The following TNKS2 variants were observed in gnomAD, a reference collection of about 807,000 sequenced individuals.
TNKS2 encodes the protein poly [ADP-ribose] polymerase tankyrase-2.
Under a neutral mutation model 137.6 loss-of-function variants are expected in TNKS2, and 72 were observed. That is an observed-to-expected ratio of 0.52 (90% CI 0.43 to 0.64). The LOEUF (loss-of-function observed/expected upper bound fraction) is 0.64. Ranked by LOEUF, TNKS2 falls within the 30% of genes least tolerant of loss-of-function variation. The probability of loss-of-function intolerance (pLI) is 0.00; values close to 1 mark genes in which losing one functional copy is unlikely to be tolerated. For missense variants in TNKS2, 1,049 were observed against 1,410.2 expected, an observed-to-expected ratio of 0.74 and a Z score of 4.10; for synonymous variants, 516 against 512.1, an observed-to-expected ratio of 1.01 and a Z score of -0.10.
chr10:91,836,132 A>G (rs1842012276), intron 12 of TNKS2, among the ~76,000 whole-genome samples: 1 of 144,602 alleles, frequency 6.9e-6, no homozygotes, highest in Non-Finnish European at 1.5e-5. Context: ...AGCCTCAAAT[A>G]TATTCTCTTA....
chr10:91,848,552 A>G lies in TNKS2; in HGVS notation c.2528A>G (p.Asn843Ser), dbSNP rs1434492700. 5 of 1,614,046 alleles carry G rather than the reference A, an allele frequency of 3.1e-6. No individual in the cohort carries two copies. Among genetic ancestry groups the G allele is most frequent in the Admixed American group, 1.7e-5 (1 of 59,998 alleles). Residue 843 changes from asparagine (N) to serine (S), a missense_variant, in exon 19 of 27, where the codon AAC becomes AGC. This residue lies in a region of TNKS2 where 208 missense variants were observed against 231.2 expected (regional missense o/e 0.90). Coordinates refer to ENST00000371627, the MANE Select transcript of TNKS2 (RefSeq NM_025235.4). ...SSLSAASSLD[N>S]LSGSFSELSS... ...CTTTCTGCAGCCAGCAGTCTTGACA[A>G]CTTATCTGGGAGTTTTTCAGAACTG...
At chr10:91,822,141 A>G (rs1380695237) in intron 6 of TNKS2, among the ~76,000 whole-genome samples, 155 bp from the exon 7 acceptor site, 2 of 152,228 alleles carry the variant, frequency 1.3e-5, no homozygotes, top group Admixed American at 6.5e-5. Flanking sequence ...TTAGGGTTCA[A>G]ATGGATGTTA....
rs1050331760 is a variant in TNKS2 at position 91,863,057 on chromosome 10, C to T, written c.*58C>T. On this transcript the variant is annotated 3_prime_UTR_variant, in exon 27 of 27. Transcript: ENST00000371627. ...CTAAAATCATCAAAGCAGCAGTGGC[C>T]TCTACGTTTTACTCCTTTGCTGAAA... The T allele has an allele frequency of 2.3e-6, 3 of 1,298,306 alleles. No homozygotes were observed. The African/African-American group carries it at 4.4e-5, about 19-fold the overall frequency. 80.4% of individuals were successfully genotyped at this position (1,298,306 alleles called of 1,614,324 possible).
chr10:91,830,216 T>C (rs999621507), intron 9 of TNKS2, among the ~76,000 whole-genome samples: 6 of 152,152 alleles, frequency 3.9e-5, no homozygotes, highest in African/African-American at 1.4e-4. Flanking sequence ...TGTTCTGTTA[T>C]TTCCCTTTTT....
At chr10:91,849,438 C>T in intron 19 of TNKS2, 74 bp from the exon 20 acceptor site, 1 of 1,157,640 alleles carries the variant, frequency 8.6e-7, no homozygotes, top group Non-Finnish European at 1.3e-6. Context: ...CATTACAAGA[C>T]TTTACTGTTA....
rs1453852011 is a variant in TNKS2, at chr10:91,812,910, T to G, written c.200-73T>G. 7.8e-6 allele frequency: 12 copies of G among 1,536,104 alleles called. No homozygotes were observed. The East Asian group carries it at 2.5e-4, about 32-fold the overall frequency. On this transcript the variant is annotated intron_variant, in intron 1 of 26. Coordinates refer to ENST00000371627, the MANE Select transcript of TNKS2 (RefSeq NM_025235.4). ...TAATTTTCAACCTGAAACATTTTAG[T>G]ATGGATGGTACTTATCTAATTTGAT...
At chr10:91,842,415 T>A in intron 16 of TNKS2, 24 bp downstream of exon 16, 1 of 1,598,246 alleles carries the variant, frequency 6.3e-7, no homozygotes, top group Non-Finnish European at 8.6e-7. Context: ...GTTTCACAGA[T>A]TTAGGCTGGT....
At chr10:91,855,489 C>T in intron 22 of TNKS2, 125 bp from the exon 23 acceptor site, 1 of 837,222 alleles carries the variant, frequency 1.2e-6, no homozygotes, top group South Asian at 2.0e-5. Flanking sequence ...CTTTGAATAA[C>T]AAAAATATTA....
Position 91,862,976 on chromosome 10 carries a change from C to A in TNKS2, c.3478C>A (p.Pro1160Thr), listed in dbSNP as rs1196822072. ...EYLITYQIMR[P>T]EGMVDG ...TTTAATTACTTACCAGATTATGAGG[C>A]CTGAAGGTATGGTCGATGGATAAAT... Residue 1160 changes from proline (P) to threonine (T), a missense_variant, in exon 27 of 27, where the codon CCT becomes ACT. Pro to Thr is a conservative substitution (Grantham distance 38). This residue lies in a region of TNKS2 where 133 missense variants were observed against 248.4 expected (regional missense o/e 0.54). Coordinates refer to ENST00000371627, the MANE Select transcript of TNKS2 (RefSeq NM_025235.4). 6.2e-7 allele frequency: 1 copy of A among 1,605,786 alleles called. No homozygotes were observed. The highest frequency in any genetic ancestry group is 2.2e-5 in the East Asian group (1 of 44,786).
intron 1 of TNKS2, among the ~76,000 whole-genome samples, chr10:91,804,459 C>T (rs1451812297): frequency 6.6e-6 from 1 of 152,164 alleles, no homozygotes; most frequent in Non-Finnish European, 1.5e-5. Context: ...AAGTTGAGTG[C>T]TGTTCCATAA....
In TNKS2 at chr10:91,840,689, G is replaced by C. The variant is rs1231980613; in HGVS notation, c.1656G>C (p.Val552=). The change falls in exon 14 of 27, where the codon GTG becomes GTC. Residue 552 remains valine (V), a synonymous_variant. Coordinates refer to ENST00000371627, the MANE Select transcript of TNKS2 (RefSeq NM_025235.4). ...ATCTGCTACAGCATGGAGCTGATGT[G>C]CATGCTAAAGATAAAGGGTAAATGC... ...VEYLLQHGAD[V]HAKDKGGLVP... 2 of 1,613,016 alleles carry C rather than the reference G, an allele frequency of 1.2e-6. No homozygotes were observed. Among genetic ancestry groups the C allele is most frequent in the African/African-American group, 1.3e-5 (1 of 74,892 alleles).
At chr10:91,803,724 G>T (rs891817620) in intron 1 of TNKS2, among the ~76,000 whole-genome samples, 1 of 152,154 alleles carries the variant, frequency 6.6e-6, no homozygotes, top group Non-Finnish European at 1.5e-5. Context: ...AAAGCTGAAG[G>T]CTGTTTGATT....
chr10:91,846,327 C>T (rs554648967), intron 18 of TNKS2, among the ~76,000 whole-genome samples: 96 of 152,330 alleles, frequency 6.3e-4, no homozygotes, highest in African/African-American at 2.2e-3. Context: ...CATTGCCCCC[C>T]AAGGTGCAGC....
intron 7 of TNKS2, among the ~76,000 whole-genome samples, chr10:91,825,696 A>G (rs997366992): frequency 5.3e-5 from 8 of 152,248 alleles, no homozygotes; most frequent in African/African-American, 1.7e-4. Context: ...ATGCTGTAGA[A>G]GGAAATTTGT....
chr10:91,846,075 T>C, intron 18 of TNKS2, 135 bp downstream of exon 18: 2 of 516,342 alleles, frequency 3.9e-6, no homozygotes, highest in Non-Finnish European at 6.4e-6. Flanking sequence ...ATGTAAGAGT[T>C]CTTTAGTATT....
At chr10:91,814,419 T>C (rs1844606082) in intron 2 of TNKS2, among the ~76,000 whole-genome samples, 1 of 152,210 alleles carries the variant, frequency 6.6e-6, no homozygotes, top group Admixed American at 6.5e-5. Flanking sequence ...TACAGTAAGC[T>C]AAAGTTAATT....
At chr10:91,818,213 A>T (rs1308491450) in intron 3 of TNKS2, among the ~76,000 whole-genome samples, 1 of 152,018 alleles carries the variant, frequency 6.6e-6, no homozygotes, top group African/African-American at 2.4e-5. Context: ...TGCAGTTCAC[A>T]TTGTGGGTTT....
At chr10:91,812,858 T>C (rs866250340) in intron 1 of TNKS2, 125 bp from the exon 2 acceptor site, 10 of 1,454,480 alleles carry the variant, frequency 6.9e-6, no homozygotes, top group Middle Eastern at 3.6e-4. Context: ...TTCCATTAAT[T>C]AGTTCTTGAA....
intron 26 of TNKS2, 74 bp from the exon 27 acceptor site, chr10:91,862,863 A>G (rs1842887361): frequency 9.8e-7 from 1 of 1,024,610 alleles, no homozygotes; most frequent in African/African-American, 1.6e-5. Context: ...TAAGATTAGG[A>G]ATACTTCCGG....
Sources: gnomAD v4.1 joint callset for allele counts (sites outside exome capture counted in the v4.1 genomes callset) on GRCh38, gnomAD v4.1.1 for gene constraint, gnomAD v4.1.1 regional missense constraint, MANE v1.5 for transcripts, NCBI Gene and HGNC (gene_info 2026-07-23, HGNC 2026-07-21) for gene names.